The following CAMKMT variants were observed in gnomAD, a reference collection of about 807,000 sequenced individuals.
The protein encoded by CAMKMT is calmodulin-lysine N-methyltransferase.
A neutral mutation model predicts 48.0 loss-of-function variants in CAMKMT; 53 were observed. The ratio of observed to expected loss-of-function variants is 1.10; its 90% confidence interval spans 0.89 to 1.39. The LOEUF (loss-of-function observed/expected upper bound fraction) is 1.39. Among genes scored for constraint, CAMKMT ranks in the 40% most tolerant of loss-of-function variants. The pLI is 0.00. For synonymous variants in CAMKMT, 165 were observed against 152.3 expected, an observed-to-expected ratio of 1.08 and a Z score of -0.61; for missense variants, 428 against 402.7, an observed-to-expected ratio of 1.06 and a Z score of -0.54.
At chr2:44,470,115 C>T (rs894375212) in intron 3 of CAMKMT, among the ~76,000 whole-genome samples, 4 of 151,616 alleles carry the variant, frequency 2.6e-5, no homozygotes, top group African/African-American at 9.7e-5. Context: ...TGTAATATTT[C>T]CTGCGGCTCA....
chr2:44,391,630 G>T (rs1384200151), intron 3 of CAMKMT, among the ~76,000 whole-genome samples: 1 of 152,090 alleles, frequency 6.6e-6, no homozygotes, highest in Non-Finnish European at 1.5e-5. Flanking sequence ...TGGAATTTTT[G>T]ATTCAGTAAT....
intron 6 of CAMKMT, among the ~76,000 whole-genome samples, chr2:44,710,118 A>AC (rs950280699): frequency 1.3e-5 from 2 of 151,872 alleles, no homozygotes; most frequent in African/African-American, 4.8e-5. Flanking sequence ...AAAAAAAAAA[A>AC]CAGCATTTCC....
chr2:44,450,508 G>A (rs1067400), intron 3 of CAMKMT, among the ~76,000 whole-genome samples: 120,261 of 152,050 alleles, frequency 0.79, 47,963 homozygotes, highest in African/African-American at 0.89. Flanking sequence ...GAAGCATTCT[G>A]AACTTGCTTA....
chr2:44,741,636 G>A (rs781221300), intron 7 of CAMKMT, among the ~76,000 whole-genome samples: 2 of 152,186 alleles, frequency 1.3e-5, no homozygotes, highest in Non-Finnish European at 2.9e-5. Context: ...TCACATGCAT[G>A]TAGCACAGCC....
rs141944019 is a variant in CAMKMT at position 44,727,219 on chromosome 2, A to G, written c.623+11866A>G. Among the ~76,000 whole-genome samples, 1,051 of 152,276 alleles carry G rather than the reference A, an allele frequency of 6.9e-3. 6 individuals carry two copies. The highest frequency in any genetic ancestry group is 9.6e-3 in the Non-Finnish European group (654 of 68,018). On this transcript the variant is annotated intron_variant, in intron 7 of 10. Transcript: ENST00000378494. ...GTAAATTGCTTTGGGCAGTATGGCCATTTTTACAACATTGATTCTTCTCAT... is the reference window on the plus strand; with the variant it reads ...GTAAATTGCTTTGGGCAGTATGGCCGTTTTTACAACATTGATTCTTCTCAT...
At position 44,588,580 on chromosome 2, in the gene CAMKMT, C is replaced by T. The variant is rs1269949967; in HGVS notation, c.377-115703C>T. 5.9e-5 allele frequency among the ~76,000 whole-genome samples: 2 copies of T among 34,136 alleles called. 1 individual carries two copies. Among genetic ancestry groups the T allele is most frequent in the Non-Finnish European group, 1.2e-4 (2 of 16,504 alleles). The allele number at this position is 34,136 out of a possible 152,430, so 22.4% of individuals were successfully genotyped here. A position where few individuals can be genotyped will look rare whatever the true frequency, so the allele number is the denominator to read the frequency against. ...GTGAGGACCCCTCTGCCCGGCCAGC[C>T]GCCCCGTCCAGGAGGGAGGTGGGGG... is the stretch of plus-strand genomic sequence containing the variant. On this transcript the variant is annotated intron_variant, in intron 3 of 10. Coordinates refer to ENST00000378494, the MANE Select transcript of CAMKMT (RefSeq NM_024766.5).
intron 8 of CAMKMT, among the ~76,000 whole-genome samples, chr2:44,749,659 A>C (rs1330449823): frequency 1.3e-5 from 2 of 152,192 alleles, no homozygotes; most frequent in African/African-American, 4.8e-5. Flanking sequence ...GTTTATTGAC[A>C]AGGAAACTGA....
intron 3 of CAMKMT, among the ~76,000 whole-genome samples, chr2:44,555,290 G>A (rs1461356266): frequency 6.6e-6 from 1 of 152,192 alleles, no homozygotes; most frequent in Non-Finnish European, 1.5e-5. Flanking sequence ...AGGGGTATTG[G>A]TGGTAGGGAT....
At chr2:44,596,753 G>A (rs1187568266) in intron 3 of CAMKMT, among the ~76,000 whole-genome samples, 1 of 152,064 alleles carries the variant, frequency 6.6e-6, no homozygotes, top group African/African-American at 2.4e-5. Context: ...GTGAACCGTG[G>A]AAATCTCACC....
chr2:44,672,078 C>G (rs1675363892), intron 3 of CAMKMT, among the ~76,000 whole-genome samples: 1 of 152,156 alleles, frequency 6.6e-6, no homozygotes, highest in Non-Finnish European at 1.5e-5. Context: ...TACCATTCTC[C>G]CTGACCCTCC....
chr2:44,555,286 A>G (rs1008787707), intron 3 of CAMKMT, among the ~76,000 whole-genome samples: 2 of 152,186 alleles, frequency 1.3e-5, no homozygotes, highest in African/African-American at 4.8e-5. Context: ...AACTAGGGGT[A>G]TTGGTGGTAG....
At chr2:44,490,487 C>T (rs1354355548) in intron 3 of CAMKMT, among the ~76,000 whole-genome samples, 1 of 152,120 alleles carries the variant, frequency 6.6e-6, no homozygotes, top group African/African-American at 2.4e-5. Flanking sequence ...GTTGGTCAGG[C>T]TGGTCTCGAA....
At chr2:44,508,743 A>G (rs1211385524) in intron 3 of CAMKMT, among the ~76,000 whole-genome samples, 2 of 152,122 alleles carry the variant, frequency 1.3e-5, no homozygotes, top group African/African-American at 2.4e-5. Flanking sequence ...ATCCTTATCA[A>G]TTTCTATAAT....
intron 3 of CAMKMT, among the ~76,000 whole-genome samples, chr2:44,640,623 T>A (rs1673397378): frequency 6.6e-6 from 1 of 152,162 alleles, no homozygotes; most frequent in Non-Finnish European, 1.5e-5. Context: ...ACTGCCCAAT[T>A]GGTAGTAAAA....
At chr2:44,543,147 C>A (rs1234528132) in intron 3 of CAMKMT, among the ~76,000 whole-genome samples, 1 of 152,126 alleles carries the variant, frequency 6.6e-6, no homozygotes, top group Non-Finnish European at 1.5e-5. Flanking sequence ...TTTGAAGCAA[C>A]TGGGGCACAC....
At chr2:44,534,838 C>T (rs986342129) in intron 3 of CAMKMT, among the ~76,000 whole-genome samples, 6 of 148,872 alleles carry the variant, frequency 4.0e-5, no homozygotes, top group African/African-American at 7.3e-5. Context: ...AAGAACAAAC[C>T]GAACCTAAAA....
At chr2:44,428,685 G>A (rs972142115) in intron 3 of CAMKMT, among the ~76,000 whole-genome samples, 1 of 152,134 alleles carries the variant, frequency 6.6e-6, no homozygotes, top group Non-Finnish European at 1.5e-5. Context: ...TATTTTATAT[G>A]TATGTATGTC....
At chr2:44,575,927 C>T (rs1329181145) in intron 3 of CAMKMT, among the ~76,000 whole-genome samples, 2 of 151,864 alleles carry the variant, frequency 1.3e-5, no homozygotes, top group African/African-American at 2.4e-5. Context: ...CTAGGCAGTC[C>T]CCTTCCTAGT....
chr2:44,668,412 C>T (rs1411577175), intron 3 of CAMKMT, among the ~76,000 whole-genome samples: 1 of 152,212 alleles, frequency 6.6e-6, no homozygotes, highest in Non-Finnish European at 1.5e-5. Flanking sequence ...TCCTTCATTA[C>T]CACATTCCTC....
Sources: gnomAD v4.1 joint callset for allele counts (sites outside exome capture counted in the v4.1 genomes callset) on GRCh38, gnomAD v4.1.1 for gene constraint, MANE v1.5 for transcripts, NCBI Gene and HGNC (gene_info 2026-07-23, HGNC 2026-07-21) for gene names.